The following EFHC2 variants were observed in gnomAD, a reference collection of about 807,000 sequenced individuals.
EFHC2 encodes EF-hand domain-containing family member C2.
Under a neutral mutation model 52.7 loss-of-function variants are expected in EFHC2, and 18 were observed. The ratio of observed to expected loss-of-function variants is 0.34; its 90% CI spans 0.24 to 0.51. The LOEUF (loss-of-function observed/expected upper bound fraction) is 0.51, where lower values mean the gene tolerates loss of function less well. Among genes scored for constraint, EFHC2 ranks in the 20% least tolerant of loss-of-function variants. EFHC2 has a pLI of 0.97. For missense variants in EFHC2, 513 were observed against 562.5 expected (o/e 0.91, Z 0.89); for synonymous variants, 203 against 204.1 (o/e 0.99, Z 0.04).
Position 44,278,384 on chromosome X carries a change from A to G in EFHC2, c.232-5548T>C, listed in dbSNP as rs139383930. Among the ~76,000 whole-genome samples the G allele has an allele frequency of 7.7e-4, 86 of 112,048 alleles. No homozygotes were observed. In the East Asian group the frequency reaches 0.014, roughly 19 times the overall value. On this transcript the variant is annotated intron_variant, in intron 2 of 14. Transcript: ENST00000420999. Reference sequence around the variant, plus strand: ...CAGAGTGACATTCCGTGAAAAACAAACAAACAAAAAACCCAGACCCTTGCC... The same window carrying G: ...CAGAGTGACATTCCGTGAAAAACAAGCAAACAAAAAACCCAGACCCTTGCC...
intron 9 of EFHC2, 128 bp downstream of exon 9, chrX:44,235,177 G>GT (rs1056608373): frequency 1.7e-3 from 902 of 544,585 alleles, no homozygotes; most frequent in Middle Eastern, 2.6e-3. Context: ...ATTGTTCAGG[G>GT]TTTTTTTTTA....
At chrX:44,207,421 G>A (rs1315075762) in intron 11 of EFHC2, among the ~76,000 whole-genome samples, 1 of 110,828 alleles carries the variant, frequency 9.0e-6, no homozygotes, top group African/African-American at 3.3e-5. Context: ...TGAGGTAGGA[G>A]AACTGCTTGA....
chrX:44,149,079 G>T (rs932547806), intron 14 of EFHC2, among the ~76,000 whole-genome samples, 183 bp from the exon 15 acceptor site: 17 of 112,067 alleles, frequency 1.5e-4, no homozygotes, highest in African/African-American at 4.5e-4. Context: ...AGAATTATGT[G>T]CCCACACTCT....
At chrX:44,298,615 C>T (rs747915026) in intron 2 of EFHC2, among the ~76,000 whole-genome samples, 22 of 110,817 alleles carry the variant, frequency 2.0e-4, no homozygotes, top group African/African-American at 4.6e-4. Flanking sequence ...GTAATGCCAG[C>T]GCTTTGGGAG....
rs2037431853 is a variant in EFHC2 at position 44,250,234 on chromosome X, T to C, written c.818A>G (p.Asp273Gly). ...CCTCCGGAGGAACATTTTTAGAGCA[T>C]CTCGGCCTGAGCTGTGTGGAAGCAA... is the stretch of plus-strand genomic sequence containing the variant. ...KELLPHSSGR[D>G]ALKMFLRRSK... is the part of the protein sequence containing the mutation. The change falls in exon 5 of 15, where the codon GAT becomes GGT. Residue 273 changes from aspartate (D) to glycine (G), a missense_variant. Coordinates refer to ENST00000420999, the MANE Select transcript of EFHC2 (RefSeq NM_025184.4). 8.3e-7 allele frequency: 1 copy of C among 1,209,384 alleles called. No homozygotes were observed. The highest frequency in any genetic ancestry group is 1.1e-6 in the Non-Finnish European group (1 of 894,884).
intron 4 of EFHC2, among the ~76,000 whole-genome samples, chrX:44,252,790 T>C (rs761672668): frequency 5.3e-5 from 6 of 112,282 alleles, no homozygotes; most frequent in Non-Finnish European, 7.5e-5. Flanking sequence ...CTGTTCTTGG[T>C]ATTTATTCTC....
chrX:44,274,357 T>C (rs2037639446), intron 2 of EFHC2, among the ~76,000 whole-genome samples: 1 of 112,205 alleles, frequency 8.9e-6, no homozygotes, highest in Admixed American at 9.5e-5. Context: ...TGAGTGAATA[T>C]TTCAGATAAG....
At chrX:44,226,001 C>T (rs900729439) in intron 11 of EFHC2, among the ~76,000 whole-genome samples, 3 of 112,095 alleles carry the variant, frequency 2.7e-5, no homozygotes, top group Non-Finnish European at 5.6e-5. Context: ...AAACAAGTAA[C>T]AACTTGACAG....
At chrX:44,189,634 G>A (rs1162362712) in intron 11 of EFHC2, among the ~76,000 whole-genome samples, 2 of 111,319 alleles carry the variant, frequency 1.8e-5, no homozygotes, top group East Asian at 5.6e-4. Context: ...AGGTAGGCAC[G>A]GGAGTGCATC....
chrX:44,148,225 A>ACATG lies in EFHC2; in HGVS notation c.*569_*570insCATG, dbSNP rs1555995136. On this transcript the variant is annotated 3_prime_UTR_variant, in exon 15 of 15. Coordinates refer to ENST00000420999, the MANE Select transcript of EFHC2 (RefSeq NM_025184.4). ...CTGCATATGTTTCCAGTGTGTGTGCACGTGCGTGTGTGTGTGTGTGTGTGT... is the reference window on the plus strand; with the variant it reads ...CTGCATATGTTTCCAGTGTGTGTGCACATGCGTGCGTGTGTGTGTGTGTGTGTGT... The ACATG allele has an allele frequency of 3.2e-5, 3 of 95,052 alleles. No individual in the cohort carries two copies. Among genetic ancestry groups the ACATG allele is most frequent in the Admixed American group, 2.6e-4 (2 of 7,608 alleles). 7.8% of individuals were successfully genotyped at this position (95,052 alleles called of 1,213,427 possible). A position where few individuals can be genotyped will look rare whatever the true frequency, so the allele number is the denominator to read the frequency against.
At chrX:44,253,446 TC>T (rs1451670156) in intron 4 of EFHC2, among the ~76,000 whole-genome samples, 1 of 110,153 alleles carries the variant, frequency 9.1e-6, no homozygotes, top group African/African-American at 3.3e-5. Context: ...GGGAGGGGCG[TC>T]CCCCATTACT....
At chrX:44,285,165 G>A (rs1481633435) in intron 2 of EFHC2, 1 of 111,844 alleles carries the variant, frequency 8.9e-6, no homozygotes, top group Admixed American at 9.6e-5. Context: ...AGCAGCAGAA[G>A]CAACAACAAC....
chrX:44,183,523 GT>G (rs746347555), intron 11 of EFHC2, among the ~76,000 whole-genome samples: 1 of 112,221 alleles, frequency 8.9e-6, no homozygotes, highest in African/African-American at 3.2e-5. Flanking sequence ...TAGAATATGT[GT>G]CAGAGGAAGG....
In EFHC2 at chrX:44,200,474, G is replaced by A. The variant is rs1011424938; in HGVS notation, c.1752-21910C>T. On this transcript the variant is annotated intron_variant, in intron 11 of 14. Transcript: ENST00000420999. ...AGAACAAGATGCTACGGAAAAGGATGGAAACATGAAACACAACAATTAAAT... is the reference window on the plus strand; with the variant it reads ...AGAACAAGATGCTACGGAAAAGGATAGAAACATGAAACACAACAATTAAAT... Among the ~76,000 whole-genome samples the A allele has an allele frequency of 2.7e-5, 3 of 111,331 alleles. No homozygotes were observed. In the East Asian group the frequency reaches 8.4e-4, roughly 31 times the overall value.
At chrX:44,335,970 C>T (rs1363111502) in intron 1 of EFHC2, among the ~76,000 whole-genome samples, 2 of 107,670 alleles carry the variant, frequency 1.9e-5, no homozygotes, top group Admixed American at 2.0e-4. Context: ...AGGAAACTCC[C>T]CAATTAAATA....
At chrX:44,251,597 T>TAAAAAAAAA (rs566022760) in intron 4 of EFHC2, among the ~76,000 whole-genome samples, 4 of 12,555 alleles carry the variant, frequency 3.2e-4, no homozygotes, top group Non-Finnish European at 6.2e-4. Flanking sequence ...CAATACTCTG[T>TAAAAAAAAA]AAAAAAAAAA....
At chrX:44,287,867 G>C (rs1050110499) in intron 2 of EFHC2, among the ~76,000 whole-genome samples, 2 of 111,781 alleles carry the variant, frequency 1.8e-5, no homozygotes, top group African/African-American at 6.5e-5. Context: ...TCAACATTTC[G>C]CTTCACTTAA....
intron 13 of EFHC2, among the ~76,000 whole-genome samples, chrX:44,170,752 C>T (rs970732555): frequency 9.9e-5 from 11 of 111,407 alleles, no homozygotes; most frequent in East Asian, 8.5e-4. Flanking sequence ...CCTCTCCAAA[C>T]GACATTGGCT....
intron 11 of EFHC2, among the ~76,000 whole-genome samples, chrX:44,203,855 T>C (rs1294996849): frequency 1.8e-5 from 2 of 110,733 alleles, no homozygotes; most frequent in Non-Finnish European, 3.8e-5. Flanking sequence ...CCTCCTAAAA[T>C]ATGGGATTAC....
Sources: allele counts gnomAD v4.1 joint callset (sites outside exome capture counted in the v4.1 genomes callset), GRCh38; gene constraint gnomAD v4.1.1; transcripts MANE v1.5; gene names NCBI Gene and HGNC (gene_info 2026-07-23, HGNC 2026-07-21).